The following ANP32B variants were observed in gnomAD, a reference collection of about 807,000 sequenced individuals.
ANP32B encodes the protein acidic nuclear phosphoprotein 32 family member B, also known as acidic leucine-rich nuclear phosphoprotein 32 family member B.
A neutral mutation model predicts 32.2 loss-of-function variants in ANP32B; 6 were observed. That is an observed-to-expected ratio of 0.19 (90% CI 0.10 to 0.37). The LOEUF (loss-of-function observed/expected upper bound fraction) is 0.37. Ranked by LOEUF, ANP32B falls within the 10% of genes least tolerant of loss-of-function variation. The pLI is 1.00. For synonymous variants in ANP32B, 98 were observed against 105.8 expected, an observed-to-expected ratio of 0.93 and a Z score of 0.45; for missense variants, 204 against 289.2, an observed-to-expected ratio of 0.71 and a Z score of 2.14.
At chr9:98,005,217 T>C (rs1828058507) in intron 4 of ANP32B, 64 bp downstream of exon 4, 1 of 1,536,246 alleles carries the variant, frequency 6.5e-7, no homozygotes, top group East Asian at 2.3e-5. Context: ...TAAAAGCTAT[T>C]GGATGTTGGC....
At chr9:98,003,238 G>A (rs1250187258) in intron 3 of ANP32B, among the ~76,000 whole-genome samples, 1 of 152,112 alleles carries the variant, frequency 6.6e-6, no homozygotes, top group Non-Finnish European at 1.5e-5. Flanking sequence ...TGTTTTGAGG[G>A]GTGCAACGTT....
intron 2 of ANP32B, among the ~76,000 whole-genome samples, chr9:97,996,589 G>GGTTTT (rs1036850498): frequency 2.6e-5 from 4 of 151,984 alleles, no homozygotes; most frequent in Non-Finnish European, 4.4e-5. Flanking sequence ...AACACAAATT[G>GGTTTT]GTTTTGTTTT....
chr9:97,995,777 G>T (rs1038650019), intron 2 of ANP32B, among the ~76,000 whole-genome samples: 2 of 151,936 alleles, frequency 1.3e-5, no homozygotes, highest in Non-Finnish European at 2.9e-5. Context: ...AAAAAAATCA[G>T]CTGGGCACGG....
At chr9:98,015,283 T>A (rs1020703597) in intron 6 of ANP32B, 81 bp from the exon 7 acceptor site, 2 of 1,523,718 alleles carry the variant, frequency 1.3e-6, no homozygotes, top group African/African-American at 2.8e-5. Flanking sequence ...GTCAAAAACT[T>A]TGTTGTTGTT....
intron 6 of ANP32B, among the ~76,000 whole-genome samples, chr9:98,015,118 A>C (rs925251672): frequency 2.0e-5 from 3 of 152,326 alleles, no homozygotes; most frequent in African/African-American, 7.2e-5. Flanking sequence ...TTGGAAGACA[A>C]CACCTTAAAA....
chr9:97,984,020 G>A lies in ANP32B; in HGVS notation c.54+411G>A, dbSNP rs971310907. 6.0e-5 allele frequency among the ~76,000 whole-genome samples: 9 copies of A among 150,166 alleles called. 1 individual carries two copies. Among genetic ancestry groups the A allele is most frequent in the Admixed American group, 6.0e-4 (9 of 15,122 alleles). Reference sequence around the variant, plus strand: ...GCCGAGGAGCTGCGCGGCCATCCCCGCCTGGGCCAGGCCGGGCTCCGCGCG... The same window carrying A: ...GCCGAGGAGCTGCGCGGCCATCCCCACCTGGGCCAGGCCGGGCTCCGCGCG... On this transcript the variant is annotated intron_variant, in intron 1 of 6. Transcript: ENST00000339399.
chr9:97,989,437 G>A (rs1827788530), intron 1 of ANP32B, among the ~76,000 whole-genome samples: 1 of 152,056 alleles, frequency 6.6e-6, no homozygotes, highest in South Asian at 2.1e-4. Flanking sequence ...TGGAGCATGA[G>A]GGAAGAAGAG....
chr9:98,013,480 C>T (rs1828222400), intron 6 of ANP32B, among the ~76,000 whole-genome samples: 1 of 152,126 alleles, frequency 6.6e-6, no homozygotes, highest in Non-Finnish European at 1.5e-5. Context: ...AGCAGTTTCC[C>T]AGTTTTGTCA....
Position 98,015,392 on chromosome 9 carries a change from G to A in ANP32B, c.717G>A (p.Lys239=). Residue 239 remains lysine (K), a synonymous_variant, in exon 7 of 7, where the codon AAG becomes AAA. Coordinates refer to ENST00000339399, the MANE Select transcript of ANP32B (RefSeq NM_006401.3). ...AGGAAGAAGGTGGGAAAGGTGAAAA[G>A]AGGAAGAGAGAAACAGATGATGAAG... is the stretch of plus-strand genomic sequence containing the variant. ...EEEEEGGKGE[K]RKRETDDEGE... is the part of the protein sequence containing the mutation. The A allele has an allele frequency of 6.4e-7, 1 of 1,550,534 alleles. No individual in the cohort carries two copies. Among genetic ancestry groups the A allele is most frequent in the Non-Finnish European group, 8.7e-7 (1 of 1,146,740 alleles).
Position 97,997,701 on chromosome 9 carries a change from A to T in ANP32B, c.205-855A>T, listed in dbSNP as rs566963058. The stretch of plus-strand genomic sequence containing the variant: ...ATACTATGTAAGGGTTAAAGTTACT[A>T]TTGTTGTTGGCACTTTAAAATAGAG... On this transcript the variant is annotated intron_variant, in intron 2 of 6. Transcript: ENST00000339399. Among the ~76,000 whole-genome samples the T allele has an allele frequency of 3.5e-4, 53 of 152,370 alleles. 1 individual carries two copies. The South Asian group carries it at 9.5e-3, about 27-fold the overall frequency.
intron 1 of ANP32B, among the ~76,000 whole-genome samples, chr9:97,992,238 C>T (rs915942700): frequency 1.3e-4 from 20 of 152,076 alleles, no homozygotes; most frequent in Admixed American, 1.3e-4. Context: ...TACAGGCACA[C>T]GCCACCATGC....
Position 98,000,917 on chromosome 9 carries a change from A to T in ANP32B, c.327+2239A>T, listed in dbSNP as rs191782218. ...AGCCTGGGTGACAGAACAAGACTCC[A>T]TCTCAAAAAAAAAAAAAAAAAAATT... On this transcript the variant is annotated intron_variant, in intron 3 of 6. Coordinates refer to ENST00000339399, the MANE Select transcript of ANP32B (RefSeq NM_006401.3). Among the ~76,000 whole-genome samples, 570 of 145,042 alleles carry T rather than the reference A, an allele frequency of 3.9e-3. 3 individuals are homozygous for T. Among genetic ancestry groups the T allele is most frequent in the African/African-American group, 0.013 (523 of 38,978 alleles).
In ANP32B at chr9:98,005,011, T is replaced by A. The variant is rs1828054294; in HGVS notation, c.375T>A (p.Val125=). ...GCCTGGACCTCTTTAACTGTGAGGT[T>A]ACCAACCTGAATGACTACCGAGAGA... ...LKSLDLFNCE[V]TNLNDYRESV... Residue 125 remains valine (V), a synonymous_variant, in exon 4 of 7, where the codon GTT becomes GTA. Transcript: ENST00000339399. 2.5e-6 allele frequency: 4 copies of A among 1,613,912 alleles called. No homozygotes were observed. Among genetic ancestry groups the A allele is most frequent in the Non-Finnish European group, 3.4e-6 (4 of 1,179,988 alleles).
chr9:98,004,842 T>C, intron 3 of ANP32B, 122 bp from the exon 4 acceptor site: 1 of 691,626 alleles, frequency 1.4e-6, no homozygotes, highest in South Asian at 2.1e-5. Flanking sequence ...TTTTTCTATA[T>C]ATGAGGCTGA....
chr9:98,012,951 C>A (rs545128247), intron 6 of ANP32B, among the ~76,000 whole-genome samples: 3 of 152,154 alleles, frequency 2.0e-5, no homozygotes, highest in Non-Finnish European at 4.4e-5. Flanking sequence ...AGGATGGTCT[C>A]AATCTCCTGA....
At chr9:97,985,743 C>T (rs940961209) in intron 1 of ANP32B, among the ~76,000 whole-genome samples, 6 of 152,108 alleles carry the variant, frequency 3.9e-5, no homozygotes, top group Non-Finnish European at 5.9e-5. Flanking sequence ...CTGCTGTTCC[C>T]CTTAGAGGAT....
At chr9:97,989,580 G>A (rs2131581567) in intron 1 of ANP32B, among the ~76,000 whole-genome samples, 1 of 152,248 alleles carries the variant, frequency 6.6e-6, no homozygotes, top group East Asian at 1.9e-4. Context: ...TTAGATAGCA[G>A]CTCTGGGAGG....
chr9:97,990,461 T>A (rs1827805277), intron 1 of ANP32B, among the ~76,000 whole-genome samples: 2 of 152,226 alleles, frequency 1.3e-5, no homozygotes, highest in South Asian at 4.1e-4. Flanking sequence ...CCCATTCTCC[T>A]CTGTGCTTAT....
intron 4 of ANP32B, 79 bp from the exon 5 acceptor site, chr9:98,011,192 C>A: frequency 6.7e-7 from 1 of 1,494,592 alleles, no homozygotes; most frequent in Non-Finnish European, 8.9e-7. Context: ...GTTCTGTGAG[C>A]CAGCCCACAG....
Sources: gnomAD v4.1 joint callset for allele counts (sites outside exome capture counted in the v4.1 genomes callset) on GRCh38, gnomAD v4.1.1 for gene constraint, MANE v1.5 for transcripts, NCBI Gene and HGNC (gene_info 2026-07-23, HGNC 2026-07-21) for gene names.